Variants in SCLT1 observed in about 807,000 individuals in gnomAD.
The protein encoded by SCLT1 is sodium channel and clathrin linker 1, also known as sodium channel-associated protein 1.
In SCLT1, 78 loss-of-function variants were observed where a neutral mutation model predicts 112.8. The observed-to-expected ratio is 0.69, with a 90% CI of 0.58 to 0.83. The LOEUF (loss-of-function observed/expected upper bound fraction) is 0.83, where lower values mean the gene tolerates loss of function less well. SCLT1 is among the 40% of genes least tolerant of loss of function. The pLI, the probability that SCLT1 is intolerant of heterozygous loss-of-function variation, is 0.00. For synonymous variants in SCLT1, 257 were observed against 254.7 expected (o/e 1.01, Z -0.09); for missense variants, 747 against 770.4 (o/e 0.97, Z 0.36).
chr4:128,946,225 T>C (rs1289631051), intron 15 of SCLT1, 73 bp from the exon 16 acceptor site: 3 of 929,394 alleles, frequency 3.2e-6, no homozygotes, highest in Non-Finnish European at 4.8e-6. Flanking sequence ...GAAACAGAAA[T>C]CAATGGAAGA....
At chr4:128,994,614 G>A (rs1010456101) in intron 8 of SCLT1, among the ~76,000 whole-genome samples, 3 of 152,036 alleles carry the variant, frequency 2.0e-5, no homozygotes, top group East Asian at 1.9e-4. Context: ...CAGATGCACC[G>A]TTTTGCAATC....
chr4:128,928,095 G>GAC (rs1736445767), intron 18 of SCLT1, among the ~76,000 whole-genome samples: 1 of 151,902 alleles, frequency 6.6e-6, no homozygotes, highest in Non-Finnish European at 1.5e-5. Flanking sequence ...AATTTTGATT[G>GAC]ACTCAACGAT....
intron 18 of SCLT1, among the ~76,000 whole-genome samples, chr4:128,931,853 G>A (rs1482279403): frequency 6.6e-6 from 1 of 152,044 alleles, no homozygotes; most frequent in African/African-American, 2.4e-5. Flanking sequence ...ATTCACTGCT[G>A]AGCTTTGAAT....
chr4:129,044,846 AAAAG>A, intron 2 of SCLT1, among the ~76,000 whole-genome samples: 1 of 150,566 alleles, frequency 6.6e-6, no homozygotes, highest in Non-Finnish European at 1.5e-5. Flanking sequence ...AAAAAAAAGG[AAAAG>A]AAAAAAGAAA....
At chr4:128,986,812 G>C (rs1742133617) in intron 9 of SCLT1, among the ~76,000 whole-genome samples, 1 of 152,172 alleles carries the variant, frequency 6.6e-6, no homozygotes, top group Non-Finnish European at 1.5e-5. Flanking sequence ...TCAGGCAGTG[G>C]TGGCTGCAGG....
At chr4:128,885,974 T>C (rs1413869593) in intron 20 of SCLT1, among the ~76,000 whole-genome samples, 1 of 151,912 alleles carries the variant, frequency 6.6e-6, no homozygotes, top group Non-Finnish European at 1.5e-5. Context: ...TTTGAAAACT[T>C]AGGTATCCTT....
chr4:129,027,202 G>A (rs1333970012), intron 5 of SCLT1, among the ~76,000 whole-genome samples: 5 of 152,152 alleles, frequency 3.3e-5, no homozygotes, highest in African/African-American at 7.2e-5. Flanking sequence ...CTCATTTTAT[G>A]AGGCCAGCAT....
intron 2 of SCLT1, among the ~76,000 whole-genome samples, chr4:129,054,557 C>T (rs1229356277): frequency 5.9e-5 from 9 of 151,850 alleles, no homozygotes; most frequent in African/African-American, 2.2e-4. Flanking sequence ...TTGATAGTTA[C>T]GTATGCTTTA....
At chr4:128,974,847 A>G (rs1270896805) in intron 9 of SCLT1, among the ~76,000 whole-genome samples, 1 of 152,056 alleles carries the variant, frequency 6.6e-6, no homozygotes, top group African/African-American at 2.4e-5. Flanking sequence ...TGATTTAAAA[A>G]AACACAACTA....
chr4:129,024,685 C>A (rs1391865870), intron 5 of SCLT1, among the ~76,000 whole-genome samples: 3 of 152,200 alleles, frequency 2.0e-5, no homozygotes, highest in Non-Finnish European at 4.4e-5. Context: ...AGCAACGGAA[C>A]AAAGCTGGAC....
At chr4:129,055,208 G>A (rs537328013) in intron 2 of SCLT1, among the ~76,000 whole-genome samples, 2 of 152,330 alleles carry the variant, frequency 1.3e-5, no homozygotes, top group South Asian at 4.1e-4. Context: ...GTCAACCCTT[G>A]TTGGGAGATC....
chr4:129,054,369 G>A (rs1266629600), intron 2 of SCLT1, among the ~76,000 whole-genome samples: 5 of 151,966 alleles, frequency 3.3e-5, no homozygotes, highest in African/African-American at 1.2e-4. Flanking sequence ...CATTTTCTCC[G>A]TCACTTTCAG....
chr4:128,936,009 C>T (rs1295409212), intron 18 of SCLT1, among the ~76,000 whole-genome samples: 2 of 152,280 alleles, frequency 1.3e-5, no homozygotes, highest in African/African-American at 4.8e-5. Context: ...CCGTGATTAT[C>T]TCCAACCCTT....
At chr4:128,948,285 G>A (rs1422493560) in intron 15 of SCLT1, among the ~76,000 whole-genome samples, 1 of 135,032 alleles carries the variant, frequency 7.4e-6, no homozygotes, top group Non-Finnish European at 1.5e-5. Context: ...GCAGTGAGCC[G>A]AGATCATGCC....
chr4:129,001,312 T>C (rs986937481), intron 6 of SCLT1, among the ~76,000 whole-genome samples: 1 of 151,302 alleles, frequency 6.6e-6, no homozygotes, highest in African/African-American at 2.4e-5. Flanking sequence ...TTTCCCAGAC[T>C]TCTTGAATCA....
chr4:128,923,444 C>CAAAAAAA (rs35945474), intron 18 of SCLT1, among the ~76,000 whole-genome samples: 3 of 81,334 alleles, frequency 3.7e-5, no homozygotes, highest in African/African-American at 1.0e-4. Flanking sequence ...GACTCCATCT[C>CAAAAAAA]AAAAAAAAAA....
At chr4:129,055,908 T>C (rs927232250) in intron 2 of SCLT1, among the ~76,000 whole-genome samples, 1 of 152,138 alleles carries the variant, frequency 6.6e-6, no homozygotes, top group Non-Finnish European at 1.5e-5. Flanking sequence ...AGTGCTGTCC[T>C]TGAAATTCAA....
chr4:128,909,408 C>G (rs1734927245), intron 18 of SCLT1, among the ~76,000 whole-genome samples: 2 of 152,038 alleles, frequency 1.3e-5, no homozygotes, highest in Admixed American at 1.3e-4. Context: ...CACACCATGC[C>G]CAGAAAACTT....
chr4:129,086,064 CT>C (rs1017870154), intron 1 of SCLT1, among the ~76,000 whole-genome samples: 10 of 151,178 alleles, frequency 6.6e-5, no homozygotes, highest in South Asian at 2.1e-4. Context: ...ATACAAACCT[CT>C]TTTTTTTTCC....
Sources: gnomAD v4.1 joint callset for allele counts (sites outside exome capture counted in the v4.1 genomes callset) on GRCh38, gnomAD v4.1.1 for gene constraint, MANE v1.5 for transcripts, NCBI Gene and HGNC (gene_info 2026-07-23, HGNC 2026-07-21) for gene names.